The following PRKG1 variants were observed in gnomAD, a reference collection of about 807,000 sequenced individuals.
PRKG1 encodes the protein cGMP-dependent protein kinase 1.
In PRKG1, 35 loss-of-function variants were observed where a neutral mutation model predicts 88.1. The observed-to-expected ratio is 0.40, with a 90% CI of 0.30 to 0.53. The LOEUF (loss-of-function observed/expected upper bound fraction) is 0.53. Ranked by LOEUF, PRKG1 falls within the 20% of genes least tolerant of loss-of-function variation. PRKG1 has a pLI of 0.59. For synonymous variants in PRKG1, 303 were observed against 292.5 expected, an observed-to-expected ratio of 1.04 and a Z score of -0.37; for missense variants, 540 against 839.8, an observed-to-expected ratio of 0.64 and a Z score of 4.41.
intron 3 of PRKG1, among the ~76,000 whole-genome samples, chr10:51,750,117 G>A (rs571610446): frequency 1.3e-5 from 2 of 151,924 alleles, no homozygotes; most frequent in South Asian, 4.2e-4. Context: ...TGTATTTTTA[G>A]TAGAGACAGG....
At chr10:51,728,453 G>GTTTTTTTT (rs56975031) in intron 3 of PRKG1, among the ~76,000 whole-genome samples, 10 of 58,800 alleles carry the variant, frequency 1.7e-4, no homozygotes, top group African/African-American at 4.3e-4. Flanking sequence ...TTTTTTCTTT[G>GTTTTTTTT]TTTTTTTTTT....
At chr10:51,476,699 A>G (rs1036875555) in intron 3 of PRKG1, among the ~76,000 whole-genome samples, 2 of 151,986 alleles carry the variant, frequency 1.3e-5, no homozygotes, top group Admixed American at 1.3e-4. Context: ...TGGTTACAGA[A>G]TAGGGGAACA....
intron 2 of PRKG1, among the ~76,000 whole-genome samples, chr10:51,300,806 C>G (rs1840863274): frequency 6.6e-6 from 1 of 152,224 alleles, no homozygotes; most frequent in African/African-American, 2.4e-5. Context: ...GCAGCTGTCT[C>G]CTCCCTGTTA....
intron 3 of PRKG1, among the ~76,000 whole-genome samples, chr10:51,562,075 T>G (rs1000148818): frequency 6.6e-6 from 1 of 151,746 alleles, no homozygotes; most frequent in Non-Finnish European, 1.5e-5. Context: ...AACACAAAAA[T>G]TAGCTGGGCA....
intron 2 of PRKG1, among the ~76,000 whole-genome samples, chr10:51,291,890 G>A (rs1017976667): frequency 3.3e-5 from 5 of 152,170 alleles, no homozygotes; most frequent in African/African-American, 1.2e-4. Flanking sequence ...CCTTGAGACA[G>A]TGAATTGCCT....
intron 2 of PRKG1, among the ~76,000 whole-genome samples, chr10:51,161,113 A>C (rs2131988149): frequency 6.6e-6 from 1 of 152,314 alleles, no homozygotes; most frequent in South Asian, 2.1e-4. Context: ...TGCTTTTGAA[A>C]ATACTTGATG....
chr10:52,024,672 TGGC>T (rs1274969587), intron 5 of PRKG1, among the ~76,000 whole-genome samples: 1 of 152,216 alleles, frequency 6.6e-6, no homozygotes, highest in African/African-American at 2.4e-5. Flanking sequence ...TCCTTTTTTA[TGGC>T]TGCATAGTAT....
At chr10:51,707,476 T>G (rs1837303761) in intron 3 of PRKG1, among the ~76,000 whole-genome samples, 2 of 152,200 alleles carry the variant, frequency 1.3e-5, no homozygotes. Flanking sequence ...TATTCGTGCT[T>G]CAGGCTGTCA....
chr10:51,470,054 T>C (rs1479926666), intron 3 of PRKG1, among the ~76,000 whole-genome samples: 2 of 151,834 alleles, frequency 1.3e-5, no homozygotes, highest in South Asian at 4.1e-4. Context: ...ACCATTTTTT[T>C]CTATATATTT....
chr10:52,010,484 G>T (rs1185591979), intron 5 of PRKG1, among the ~76,000 whole-genome samples: 2 of 152,074 alleles, frequency 1.3e-5, no homozygotes, highest in Non-Finnish European at 2.9e-5. Context: ...TAAACCAGGG[G>T]TGTTGAAAAA....
chr10:51,004,486 C>CA (rs1338840242), intron 1 of PRKG1, among the ~76,000 whole-genome samples: 3 of 151,720 alleles, frequency 2.0e-5, no homozygotes, highest in African/African-American at 7.3e-5. Context: ...AAAACAAAAA[C>CA]AAAAAACAAA....
At chr10:51,955,903 C>T (rs993547208) in intron 5 of PRKG1, among the ~76,000 whole-genome samples, 4 of 152,216 alleles carry the variant, frequency 2.6e-5, no homozygotes, top group South Asian at 4.2e-4. Flanking sequence ...GCTTCAATAG[C>T]GACCATTCTT....
intron 2 of PRKG1, among the ~76,000 whole-genome samples, chr10:51,316,387 T>C (rs1277855129): frequency 6.6e-6 from 1 of 152,176 alleles, no homozygotes; most frequent in Non-Finnish European, 1.5e-5. Context: ...TATTTTGTTC[T>C]TAAGACAAAG....
At chr10:51,774,289 G>A (rs1483256603) in intron 3 of PRKG1, among the ~76,000 whole-genome samples, 7 of 151,988 alleles carry the variant, frequency 4.6e-5, no homozygotes, top group African/African-American at 1.7e-4. Flanking sequence ...GAGATACATT[G>A]CATTTTGCTT....
intron 4 of PRKG1, among the ~76,000 whole-genome samples, chr10:51,892,884 C>T (rs1589395330): frequency 6.6e-6 from 1 of 152,174 alleles, no homozygotes; most frequent in African/African-American, 2.4e-5. Flanking sequence ...ACCTTATAGG[C>T]ACATCACCAT....
chr10:51,066,212 T>G (rs776183671), intron 1 of PRKG1, among the ~76,000 whole-genome samples: 6 of 152,156 alleles, frequency 3.9e-5, no homozygotes, highest in Non-Finnish European at 7.4e-5. Context: ...ATGCTCTACC[T>G]TATTTTGATC....
Position 51,596,974 on chromosome 10 carries a change from C to G in PRKG1, c.592+129138C>G, listed in dbSNP as rs542877272. On this transcript the variant is annotated intron_variant, in intron 3 of 17. Transcript: ENST00000373980. ...AAAAGTGACTGCTTATACAATTGGA[C>G]TGATTACTTACTTTCTCTGGTGGCA... Among the ~76,000 whole-genome samples, 30 of 152,236 alleles carry G rather than the reference C, an allele frequency of 2.0e-4. No individual in the cohort carries two copies. The South Asian group carries it at 4.6e-3, about 23-fold the overall frequency.
chr10:51,575,965 T>C (rs928535976), intron 3 of PRKG1, among the ~76,000 whole-genome samples: 3 of 152,014 alleles, frequency 2.0e-5, no homozygotes, highest in African/African-American at 7.2e-5. Flanking sequence ...TTCATTGTTA[T>C]GAAAATAATA....
chr10:51,793,025 G>A (rs935707678), intron 3 of PRKG1, among the ~76,000 whole-genome samples: 5 of 149,672 alleles, frequency 3.3e-5, no homozygotes, highest in Non-Finnish European at 7.4e-5. Flanking sequence ...GAGAATCATG[G>A]CATTATTAAG....
Sources: allele counts gnomAD v4.1 joint callset (sites outside exome capture counted in the v4.1 genomes callset), GRCh38; gene constraint gnomAD v4.1.1; transcripts MANE v1.5; gene names NCBI Gene and HGNC (gene_info 2026-07-23, HGNC 2026-07-21).